Variants in HLA-F observed in about 807,000 individuals in gnomAD.
HLA-F encodes the protein major histocompatibility complex, class I, F.
In HLA-F, 46 loss-of-function variants were observed where a neutral mutation model predicts 49.5. The ratio of observed to expected loss-of-function variants is 0.93; its 90% confidence interval spans 0.73 to 1.19. HLA-F has a LOEUF of 1.19. Ranked by LOEUF, HLA-F falls within the 50% of genes most tolerant of loss-of-function variation. The pLI is 0.00. For missense variants in HLA-F, 496 were observed against 579.6 expected (o/e 0.86, Z 1.48); for synonymous variants, 203 against 233.5 (o/e 0.87, Z 1.19).
At chr6:29,736,699 AGTT>A in intron 3 of HLA-F, 1 of 265,812 alleles carries the variant, frequency 3.8e-6, no homozygotes. Context: ...ATGATAGATT[AGTT>A]CTGTCAGTTC....
downstream of HLA-F, chr6:29,727,993 A>T (rs1562297042): frequency 1.9e-6 from 1 of 519,032 alleles, no homozygotes; most frequent in East Asian, 5.4e-5. Flanking sequence ...TCAAACAAGT[A>T]TTCTCATCCA....
Position 29,725,370 on chromosome 6 carries a change from G to A in HLA-F, c.886+64G>A, listed in dbSNP as rs549160665. 8 of 1,610,014 alleles carry A rather than the reference G, an allele frequency of 5.0e-6. No individual in the cohort carries two copies. In the Admixed American group the frequency reaches 1.3e-4, roughly 27 times the overall value. ...ATGTCTTTTCTCAGGGAAAGCAGGA[G>A]CCCTTCTGGAGCTCTTCAGCAGGGT... On this transcript the variant is annotated intron_variant, in intron 4 of 6. Coordinates refer to ENST00000259951, the MANE Select transcript of HLA-F (RefSeq NM_001098479.2).
In HLA-F at chr6:29,724,175, T is replaced by TG. The variant is rs1775722993; in HGVS notation, c.337_338insG (p.Ser113CysfsTer57). The TG allele has an allele frequency of 1.1e-5, 18 of 1,612,248 alleles. No homozygotes were observed. In the Admixed American group the frequency reaches 3.0e-4, roughly 27 times the overall value. ...GGCTGACTGCGGGGACCGGCTAGGGTCTCACACCCTCCAGGGAATGAATGG... is the reference window on the plus strand; with the variant it reads ...GGCTGACTGCGGGGACCGGCTAGGGTGCTCACACCCTCCAGGGAATGAATGG... On this transcript the variant is annotated frameshift_variant, in exon 3 of 7. Coordinates refer to ENST00000259951, the MANE Select transcript of HLA-F (RefSeq NM_001098479.2). LOFTEE classifies it high-confidence loss of function.
chr6:29,725,103 G>C lies in HLA-F; in HGVS notation c.683G>C (p.Gly228Ala), dbSNP rs1046917749. ...HEATLRCWAL[G>A]FYPAEITLTW... The stretch of plus-strand genomic sequence containing the variant: ...GCCACCCTGAGGTGCTGGGCCCTGG[G>C]CTTCTACCCTGCGGAGATCACGCTG... The change falls in exon 4 of 7, where the codon GGC (glycine) becomes GCC (alanine). Residue 228 changes from glycine to alanine, a missense_variant. Transcript: ENST00000259951. 6.2e-7 allele frequency: 1 copy of C among 1,613,458 alleles called. No individual in the cohort carries two copies. Among genetic ancestry groups the C allele is most frequent in the East Asian group, 2.2e-5 (1 of 44,870 alleles).
At chr6:29,730,014 A>G (rs948453189), downstream of HLA-F, among the ~76,000 whole-genome samples, 3 of 152,222 alleles carry the variant, frequency 2.0e-5, no homozygotes, top group Non-Finnish European at 2.9e-5. Flanking sequence ...TGCTTCCTCA[A>G]GAAAGTAAAA....
Position 29,723,946 on chromosome 6 carries a change from G to A in HLA-F, c.334+19G>A, listed in dbSNP as rs1489902750. The A allele has an allele frequency of 4.4e-6, 7 of 1,582,410 alleles. No homozygotes were observed. The highest frequency in any genetic ancestry group is 4.1e-5 in the African/African-American group (3 of 73,888). The stretch of plus-strand genomic sequence containing the variant: ...GAGGCTGGTGAGTGAACCCGGCCGG[G>A]GGCGCAGGTCACGACCACCCCCCAT... On this transcript the variant is annotated intron_variant, in intron 2 of 6. Coordinates refer to ENST00000259951, the MANE Select transcript of HLA-F (RefSeq NM_001098479.2).
At chr6:29,731,928 C>T (rs367892373), downstream of HLA-F, among the ~76,000 whole-genome samples, 1 of 152,224 alleles carries the variant, frequency 6.6e-6, no homozygotes, top group African/African-American at 2.4e-5. Context: ...ATGTTTAAAG[C>T]AGTCTCTGGT....
At chr6:29,733,125 G>A (rs1217059059) in intron 3 of HLA-F, among the ~76,000 whole-genome samples, 5 of 152,164 alleles carry the variant, frequency 3.3e-5, no homozygotes, top group Non-Finnish European at 5.9e-5. Context: ...AGAGGCGGAG[G>A]TTGCAGTGAG....
At chr6:29,735,239 A>G (rs966337499) in intron 3 of HLA-F, 2 of 148,878 alleles carry the variant, frequency 1.3e-5, no homozygotes, top group Non-Finnish European at 3.0e-5. Context: ...TATTACTACT[A>G]GCTTTTATAG....
chr6:29,733,045 T>C (rs1776759644), intron 3 of HLA-F, among the ~76,000 whole-genome samples: 1 of 152,028 alleles, frequency 6.6e-6, no homozygotes. Flanking sequence ...AAAAATTTGC[T>C]GGGCCTGGTG....
chr6:29,733,233 GA>G (rs1776781348), intron 3 of HLA-F, among the ~76,000 whole-genome samples: 1 of 152,024 alleles, frequency 6.6e-6, no homozygotes, highest in Non-Finnish European at 1.5e-5. Context: ...CAACAAAATG[GA>G]AATCAGCACC....
intron 3 of HLA-F, among the ~76,000 whole-genome samples, chr6:29,733,360 A>ATTT (rs9280686): frequency 0.04 from 6,052 of 151,808 alleles, 182 homozygotes; most frequent in South Asian, 0.089. Context: ...TGTGTATTTT[A>ATTT]TTTTTTTTAA....
At chr6:29,733,778 G>C (rs552007182) in intron 3 of HLA-F, among the ~76,000 whole-genome samples, 65 of 152,266 alleles carry the variant, frequency 4.3e-4, no homozygotes, top group African/African-American at 1.5e-3. Flanking sequence ...CTCATCCTTT[G>C]GTTACAGCGT....
chr6:29,732,727 C>T (rs62391821), intron 3 of HLA-F, among the ~76,000 whole-genome samples: 8,265 of 152,064 alleles, frequency 0.054, 346 homozygotes, highest in East Asian at 0.17. Context: ...GGATTATAGG[C>T]GTGAGCCACC....
chr6:29,723,450 C>T lies in HLA-F; in HGVS notation c.-14C>T. 1 of 1,613,314 alleles carries T rather than the reference C, an allele frequency of 6.2e-7. No individual in the cohort carries two copies. The highest frequency in any genetic ancestry group is 2.2e-5 in the East Asian group (1 of 44,862). On this transcript the variant is annotated 5_prime_UTR_variant, in exon 1 of 7. Coordinates refer to ENST00000259951, the MANE Select transcript of HLA-F (RefSeq NM_001098479.2). Reference sequence around the variant, plus strand: ...GCGGGACTCATATTTTTCCCAGACGCGGAGGTTGGGGTCATGGCGCCCCGA... The same window carrying T: ...GCGGGACTCATATTTTTCCCAGACGTGGAGGTTGGGGTCATGGCGCCCCGA...
intron 3 of HLA-F, chr6:29,734,907 G>A (rs1776925222): frequency 6.6e-6 from 1 of 152,036 alleles, no homozygotes; most frequent in Non-Finnish European, 1.5e-5. Flanking sequence ...ACAAAAATGG[G>A]TTCATGAAAT....
At chr6:29,733,683 A>G (rs1453906590) in intron 3 of HLA-F, among the ~76,000 whole-genome samples, 2 of 152,200 alleles carry the variant, frequency 1.3e-5, no homozygotes, top group African/African-American at 4.8e-5. Context: ...GCCTAAAGCA[A>G]ATTTCTCATT....
downstream of HLA-F, among the ~76,000 whole-genome samples, chr6:29,730,897 C>T (rs774411108): frequency 6.6e-6 from 1 of 152,174 alleles, no homozygotes; most frequent in Non-Finnish European, 1.5e-5. Flanking sequence ...TCCACTCACA[C>T]CAGCCTTTTG....
Position 29,725,269 on chromosome 6 carries a change from G to A in HLA-F, c.849G>A (p.Gln283=). The A allele has an allele frequency of 6.2e-7, 1 of 1,614,176 alleles. No homozygotes were observed. Among genetic ancestry groups the A allele is most frequent in the Non-Finnish European group, 8.5e-7 (1 of 1,180,014 alleles). The change falls in exon 4 of 7, where the codon CAG becomes CAA. Residue 283 remains glutamine (Q), a synonymous_variant. Transcript: ENST00000259951. ...GEEQRYTCHV[Q]HEGLPQPLIL... ...AACAGAGATACACATGCCATGTGCAGCACGAGGGGCTGCCCCAGCCCCTCA... is the reference window on the plus strand; with the variant it reads ...AACAGAGATACACATGCCATGTGCAACACGAGGGGCTGCCCCAGCCCCTCA...
Sources: allele counts gnomAD v4.1 joint callset (sites outside exome capture counted in the v4.1 genomes callset), GRCh38; gene constraint gnomAD v4.1.1; transcripts MANE v1.5; gene names NCBI Gene and HGNC (gene_info 2026-07-23, HGNC 2026-07-21).